Variants in HSD11B1 observed in about 807,000 individuals in gnomAD.
The protein encoded by HSD11B1 is hydroxysteroid 11-beta dehydrogenase 1.
In HSD11B1, 15 loss-of-function variants were observed where a neutral mutation model predicts 22.1. The observed-to-expected ratio is 0.68, with a 90% confidence interval of 0.45 to 1.04. The LOEUF (loss-of-function observed/expected upper bound fraction) is 1.04. Among genes scored for constraint, HSD11B1 ranks in the 50% least tolerant of loss-of-function variants. The pLI is 0.00. For missense variants in HSD11B1, 281 were observed against 357.6 expected (o/e 0.79, Z 1.73); for synonymous variants, 122 against 125.2 (o/e 0.97, Z 0.17).
At chr1:209,694,184 G>GA (rs2076777387) in intron 1 of HSD11B1, among the ~76,000 whole-genome samples, 2 of 152,060 alleles carry the variant, frequency 1.3e-5, no homozygotes, top group African/African-American at 2.4e-5. Context: ...CTTTAACCTG[G>GA]ACCTTTCTTC....
intron 4 of HSD11B1, among the ~76,000 whole-genome samples, chr1:209,729,610 G>C (rs2077023518): frequency 6.6e-6 from 1 of 152,056 alleles, no homozygotes; most frequent in Non-Finnish European, 1.5e-5. Flanking sequence ...GGATTGGGAA[G>C]GAGAGACTGG....
chr1:209,733,913 C>T (rs2077050559), intron 5 of HSD11B1, among the ~76,000 whole-genome samples: 2 of 152,196 alleles, frequency 1.3e-5, no homozygotes, highest in African/African-American at 4.8e-5. Context: ...CATTATCATA[C>T]AGCACTCTGG....
In HSD11B1 at chr1:209,734,368, C is replaced by T. The variant is rs2077054448; in HGVS notation, c.726C>T (p.Ala242=). The T allele has an allele frequency of 1.1e-5, 18 of 1,613,880 alleles. No individual in the cohort carries two copies. The highest frequency in any genetic ancestry group is 1.4e-5 in the Non-Finnish European group (17 of 1,179,984). Reference sequence around the variant, plus strand: ...AAGCAGCTCCAAAGGAGGAATGTGCCCTGGAGATCATCAAAGGGGGAGCTC... The same window carrying T: ...AAGCAGCTCCAAAGGAGGAATGTGCTCTGGAGATCATCAAAGGGGGAGCTC... ...HMQAAPKEEC[A]LEIIKGGALR... is the part of the protein sequence containing the mutation. The change falls in exon 6 of 6, where the codon GCC becomes GCT. Residue 242 remains alanine (A), a synonymous_variant. Coordinates refer to ENST00000367027, the MANE Select transcript of HSD11B1 (RefSeq NM_005525.4).
At chr1:209,732,383 A>C (rs944569909) in intron 4 of HSD11B1, 53 bp from the exon 5 acceptor site, 1 of 1,606,514 alleles carries the variant, frequency 6.2e-7, no homozygotes, top group African/African-American at 1.3e-5. Context: ...ACAGCTCTGT[A>C]AGAAGGTGAA....
At chr1:209,716,012 T>G (rs2076927607) in intron 4 of HSD11B1, among the ~76,000 whole-genome samples, 1 of 152,206 alleles carries the variant, frequency 6.6e-6, no homozygotes, top group Admixed American at 6.5e-5. Context: ...ACCTTTCCTC[T>G]AATAATTGGA....
intron 4 of HSD11B1, among the ~76,000 whole-genome samples, chr1:209,731,917 G>A (rs112789749): frequency 2.1e-4 from 32 of 152,278 alleles, no homozygotes; most frequent in African/African-American, 7.0e-4. Flanking sequence ...ATGTTAGTCA[G>A]GCTGGTCTCG....
intron 4 of HSD11B1, among the ~76,000 whole-genome samples, chr1:209,719,974 G>C (rs1283080111): frequency 2.0e-5 from 3 of 152,182 alleles, no homozygotes; most frequent in Admixed American, 2.0e-4. Flanking sequence ...GGGAAGGACA[G>C]CATCAGGAGA....
At chr1:209,712,910 G>A (rs866482500) in intron 4 of HSD11B1, among the ~76,000 whole-genome samples, 2 of 152,092 alleles carry the variant, frequency 1.3e-5, no homozygotes, top group Non-Finnish European at 1.5e-5. Flanking sequence ...TTAGCCGGGC[G>A]AGGTGGTGGG....
intron 4 of HSD11B1, among the ~76,000 whole-genome samples, chr1:209,731,088 G>A (rs12060922): frequency 0.2 from 30,380 of 152,188 alleles, 3,115 homozygotes; most frequent in Non-Finnish European, 0.21. Flanking sequence ...TGGGGTTACC[G>A]TAATAGCTGG....
intron 1 of HSD11B1, among the ~76,000 whole-genome samples, chr1:209,688,786 A>G (rs1389204807): frequency 6.6e-6 from 1 of 152,236 alleles, no homozygotes; most frequent in East Asian, 1.9e-4. Flanking sequence ...TGATGACAGT[A>G]GAAGAATTTA....
At chr1:209,734,097 C>T (rs907313950) in intron 5 of HSD11B1, among the ~76,000 whole-genome samples, 7 of 152,186 alleles carry the variant, frequency 4.6e-5, no homozygotes, top group African/African-American at 1.7e-4. Context: ...TCCAGGAAGG[C>T]AAGGCCCCTA....
upstream of HSD11B1, among the ~76,000 whole-genome samples, chr1:209,703,828 T>C (rs1477208997): frequency 6.6e-6 from 1 of 152,212 alleles, no homozygotes; most frequent in African/African-American, 2.4e-5. Context: ...GTAATTTCCA[T>C]GAGTTGATTG....
In HSD11B1 at chr1:209,734,596, T is replaced by G. The variant is rs1389426902; in HGVS notation, c.*75T>G. On this transcript the variant is annotated 3_prime_UTR_variant, in exon 6 of 6. Transcript: ENST00000367027. ...TCATGTTTATCTGAGCTCTTATCTA[T>G]GAAGACATCTTCCCAGAGTGTCCCC... 6 of 1,086,466 alleles carry G rather than the reference T, an allele frequency of 5.5e-6. No individual in the cohort carries two copies. In the African/African-American group the frequency reaches 6.2e-5, roughly 11 times the overall value. 67.3% of individuals were successfully genotyped at this position (1,086,466 alleles called of 1,614,324 possible).
chr1:209,732,325 T>G (rs2077040597), intron 4 of HSD11B1, 111 bp from the exon 5 acceptor site: 1 of 1,152,906 alleles, frequency 8.7e-7, no homozygotes, highest in African/African-American at 1.5e-5. Context: ...ATAGAGAAAC[T>G]AAGACTCAAA....
chr1:209,701,626 A>T (rs1173040385), upstream of HSD11B1, among the ~76,000 whole-genome samples: 1 of 152,234 alleles, frequency 6.6e-6, no homozygotes, highest in Non-Finnish European at 1.5e-5. Flanking sequence ...AGGTTTGCCC[A>T]ACAAGATTTC....
chr1:209,710,714 C>T (rs2884090), intron 4 of HSD11B1, among the ~76,000 whole-genome samples: 59,578 of 152,060 alleles, frequency 0.39, 15,069 homozygotes, highest in African/African-American at 0.7. Flanking sequence ...CTGGACATCA[C>T]AAAAGACTCA....
At chr1:209,700,548 A>G (rs1184327797), upstream of HSD11B1, among the ~76,000 whole-genome samples, 1 of 152,198 alleles carries the variant, frequency 6.6e-6, no homozygotes, top group Admixed American at 6.5e-5. Context: ...AGGGGCTGCC[A>G]TGAAGGTCTC....
chr1:209,705,706 A>T lies in HSD11B1; in HGVS notation c.89-105A>T, dbSNP rs1193460597. The T allele has an allele frequency of 7.1e-6, 10 of 1,406,300 alleles. No individual in the cohort carries two copies. The South Asian group carries it at 1.2e-4, about 16-fold the overall frequency. The allele number at this position is 1,406,300 out of a possible 1,614,324, so 87.1% of individuals were successfully genotyped here. A position where few individuals can be genotyped will look rare whatever the true frequency, so the allele number is the denominator to read the frequency against. On this transcript the variant is annotated intron_variant, in intron 1 of 5. Coordinates refer to ENST00000367027, the MANE Select transcript of HSD11B1 (RefSeq NM_005525.4). ...TGTGACAAACTGATCTGGGCTCATA[A>T]CCTTTAAGTTACAAATTGCGATAAG...
At chr1:209,721,171 A>G (rs1206679014) in intron 4 of HSD11B1, among the ~76,000 whole-genome samples, 1 of 152,072 alleles carries the variant, frequency 6.6e-6, no homozygotes, top group Non-Finnish European at 1.5e-5. Context: ...AGACTTCTTG[A>G]CTCCAGCACT....
Sources: allele counts gnomAD v4.1 joint callset (sites outside exome capture counted in the v4.1 genomes callset), GRCh38; gene constraint gnomAD v4.1.1; transcripts MANE v1.5; gene names NCBI Gene and HGNC (gene_info 2026-07-23, HGNC 2026-07-21).